Variants in LAMC2 observed in about 807,000 individuals in gnomAD.
The protein encoded by LAMC2 is laminin subunit gamma 2.
In LAMC2, 97 loss-of-function variants were observed where a neutral mutation model predicts 140.2. That is an observed-to-expected ratio of 0.69 (90% CI 0.59 to 0.82). The LOEUF is 0.82. LAMC2 is among the 40% of genes least tolerant of loss of function. LAMC2 has a pLI of 0.00. For missense variants in LAMC2, 1,402 were observed against 1,476.1 expected, an observed-to-expected ratio of 0.95 and a Z score of 0.82; for synonymous variants, 513 against 540.2, an observed-to-expected ratio of 0.95 and a Z score of 0.70.
intron 6 of LAMC2, 66 bp downstream of exon 6, chr1:183,222,277 T>C: frequency 1.3e-6 from 2 of 1,558,118 alleles, no homozygotes; most frequent in South Asian, 1.1e-5. Flanking sequence ...GATAGAGAAA[T>C]TGAGTTAGAA....
the LAMC2 span, among the ~76,000 whole-genome samples, chr1:183,258,714 T>C: frequency 6.6e-6 from 1 of 152,122 alleles, no homozygotes; most frequent in African/African-American, 2.4e-5. Flanking sequence ...GTTTGCAATA[T>C]TTTGTAGACC....
intron 12 of LAMC2, among the ~76,000 whole-genome samples, chr1:183,231,704 T>C: frequency 6.6e-6 from 1 of 152,250 alleles, no homozygotes; most frequent in East Asian, 1.9e-4. Context: ...ACTATTTTTC[T>C]TCCTGGAATG....
chr1:183,187,513 A>AT (rs561170421), intron 1 of LAMC2, among the ~76,000 whole-genome samples: 195 of 152,210 alleles, frequency 1.3e-3, no homozygotes, highest in Non-Finnish European at 2.7e-3. Flanking sequence ...AAAAAAAAAA[A>AT]AAAGGTGGAG....
chr1:183,257,800 A>G, the LAMC2 span, among the ~76,000 whole-genome samples: 1 of 151,188 alleles, frequency 6.6e-6, no homozygotes, highest in Non-Finnish European at 1.5e-5. Context: ...TTTTTTTTCA[A>G]AAAACCAACT....
intron 1 of LAMC2, among the ~76,000 whole-genome samples, chr1:183,188,859 T>C (rs544277548): frequency 6.6e-6 from 1 of 152,262 alleles, no homozygotes; most frequent in African/African-American, 2.4e-5. Flanking sequence ...AGAAAGATAC[T>C]AGAAACGTAG....
At chr1:183,221,524 C>T (rs1180985054) in intron 5 of LAMC2, among the ~76,000 whole-genome samples, 1 of 151,890 alleles carries the variant, frequency 6.6e-6, no homozygotes, top group Non-Finnish European at 1.5e-5. Flanking sequence ...GTCAGGAGAT[C>T]GAGACCATCC....
At chr1:183,239,343 T>G in intron 19 of LAMC2, 21 bp from the exon 20 acceptor site, 1 of 1,613,300 alleles carries the variant, frequency 6.2e-7, no homozygotes, top group Non-Finnish European at 8.5e-7. Flanking sequence ...TCACGGCAGT[T>G]TTTTCTTTTC....
At position 183,240,329 on chromosome 1, in the gene LAMC2, A is replaced by G. The variant is rs774096871; in HGVS notation, c.3266A>G (p.Lys1089Arg). ...TEAQKVDTRA[K>R]NAGVTIQDTL... ...GCCCAGAAGGTTGATACCAGAGCCA[A>G]GAACGCTGGGGTTACAATCCAAGAC... Residue 1089 changes from lysine (K) to arginine (R), a missense_variant, in exon 22 of 23, where the codon AAG becomes AGG. Lys to Arg is a conservative substitution (Grantham distance 26). This residue lies in a region of LAMC2 where 670 missense variants were observed against 667.2 expected (regional missense o/e 1.00). Transcript: ENST00000264144. 1.9e-6 allele frequency: 3 copies of G among 1,614,136 alleles called. No individual in the cohort carries two copies. Among genetic ancestry groups the G allele is most frequent in the Non-Finnish European group, 2.5e-6 (3 of 1,180,050 alleles).
At chr1:183,249,250 G>A (rs2102265104), downstream of LAMC2, 1 of 152,412 alleles carries the variant, frequency 6.6e-6, no homozygotes, top group East Asian at 1.9e-4. Flanking sequence ...GGCTGCCTGG[G>A]GTTGGGGGTG....
the LAMC2 span, among the ~76,000 whole-genome samples, chr1:183,254,443 T>C: frequency 1.5e-4 from 23 of 149,990 alleles, no homozygotes; most frequent in Non-Finnish European, 3.0e-4. Context: ...TGTTTGTTTG[T>C]TTGCTTTTTG....
chr1:183,194,934 A>G (rs1031437285), intron 1 of LAMC2, among the ~76,000 whole-genome samples: 1 of 152,192 alleles, frequency 6.6e-6, no homozygotes, highest in Non-Finnish European at 1.5e-5. Context: ...GCTGTCATAT[A>G]GAATCTTACC....
chr1:183,202,797 C>T lies in LAMC2; in HGVS notation c.80-5084C>T, dbSNP rs1301517945. 2.0e-5 allele frequency among the ~76,000 whole-genome samples: 3 copies of T among 152,164 alleles called. No individual in the cohort carries two copies. The East Asian group carries it at 5.8e-4, about 29-fold the overall frequency. ...TTATTTATCTTGTTTATTTTCTTTCCCCCCAAATTGCATGTAAACTCCGTG... is the reference window on the plus strand; with the variant it reads ...TTATTTATCTTGTTTATTTTCTTTCTCCCCAAATTGCATGTAAACTCCGTG... On this transcript the variant is annotated intron_variant, in intron 1 of 22. Coordinates refer to ENST00000264144, the MANE Select transcript of LAMC2 (RefSeq NM_005562.3).
At chr1:183,231,790 T>C (rs374185859) in intron 12 of LAMC2, among the ~76,000 whole-genome samples, 1 of 152,346 alleles carries the variant, frequency 6.6e-6, no homozygotes. Flanking sequence ...AACTGATCTA[T>C]TTAACAAGCC....
downstream of LAMC2, among the ~76,000 whole-genome samples, chr1:183,245,473 C>T (rs1464526883): frequency 6.6e-6 from 1 of 152,090 alleles, no homozygotes. Context: ...TTTCAGAGGC[C>T]CTGCCATTTA....
At chr1:183,220,017 G>T (rs1198599044) in intron 4 of LAMC2, among the ~76,000 whole-genome samples, 2 of 152,232 alleles carry the variant, frequency 1.3e-5, no homozygotes, top group African/African-American at 4.8e-5. Flanking sequence ...CACACAAGGT[G>T]CCTGGCACAA....
At chr1:183,237,274 A>G in intron 17 of LAMC2, 78 bp from the exon 18 acceptor site, 12 of 1,519,892 alleles carry the variant, frequency 7.9e-6, no homozygotes, top group Non-Finnish European at 1.1e-5. Context: ...TTTTCAAACA[A>G]TGGTGCCAGG....
At chr1:183,232,379 AT>A in intron 13 of LAMC2, 36 bp downstream of exon 13, 4 of 1,611,220 alleles carry the variant, frequency 2.5e-6, no homozygotes, top group Non-Finnish European at 2.5e-6. Flanking sequence ...ACAGAAGAGA[AT>A]TCATAGTCCT....
intron 13 of LAMC2, 124 bp from the exon 14 acceptor site, chr1:183,232,528 G>T: frequency 9.2e-7 from 1 of 1,088,320 alleles, no homozygotes; most frequent in Non-Finnish European, 1.4e-6. Context: ...TAAAAGAATG[G>T]TTGGATGCAT....
chr1:183,239,654 T>G lies in LAMC2; in HGVS notation c.3069+91T>G. On this transcript the variant is annotated intron_variant, in intron 20 of 22. Transcript: ENST00000264144. ...AAAGAACATTGAGCTTATTTTAACC[T>G]CTGAGGCTCAGAGCCCTGTTGTGGC... The G allele has an allele frequency of 2.6e-6, 3 of 1,166,686 alleles. No homozygotes were observed. The South Asian group carries it at 4.2e-5, about 16-fold the overall frequency. 72.3% of individuals were successfully genotyped at this position (1,166,686 alleles called of 1,614,324 possible).
Sources: gnomAD v4.1 joint callset for allele counts (sites outside exome capture counted in the v4.1 genomes callset) on GRCh38, gnomAD v4.1.1 for gene constraint, gnomAD v4.1.1 regional missense constraint, MANE v1.5 for transcripts, NCBI Gene and HGNC (gene_info 2026-07-23, HGNC 2026-07-21) for gene names.